The following KLF12 variants were observed in gnomAD, a reference collection of about 807,000 sequenced individuals.
The protein encoded by KLF12 is Krueppel-like factor 12.
Under a neutral mutation model 37.8 loss-of-function variants are expected in KLF12, and 9 were observed. The ratio of observed to expected loss-of-function variants is 0.24; its 90% CI spans 0.14 to 0.42. The LOEUF (loss-of-function observed/expected upper bound fraction) is 0.42. Among genes scored for constraint, KLF12 ranks in the 10% least tolerant of loss-of-function variants. The pLI, the probability that KLF12 is intolerant of heterozygous loss-of-function variation, is 1.00. For missense variants in KLF12, 411 were observed against 516.0 expected, an observed-to-expected ratio of 0.80 and a Z score of 1.97; for synonymous variants, 208 against 202.1, an observed-to-expected ratio of 1.03 and a Z score of -0.25.
At chr13:74,160,197 T>G in the KLF12 span, among the ~76,000 whole-genome samples, 1 of 152,098 alleles carries the variant, frequency 6.6e-6, no homozygotes, top group Non-Finnish European at 1.5e-5. Context: ...TAAAAGTAAG[T>G]CATATAATTT....
intron 1 of KLF12, among the ~76,000 whole-genome samples, chr13:74,045,976 T>C (rs780830843): frequency 2.6e-5 from 4 of 152,234 alleles, no homozygotes; most frequent in Non-Finnish European, 5.9e-5. Flanking sequence ...CAGTGGTTAA[T>C]ATTAGAAGTG....
intron 1 of KLF12, among the ~76,000 whole-genome samples, chr13:74,096,519 C>T (rs1220642047): frequency 3.9e-5 from 6 of 152,294 alleles, no homozygotes; most frequent in East Asian, 1.9e-4. Context: ...GATTCAATTA[C>T]GTAAGTTGAT....
chr13:73,719,842 T>A (rs1445056461), intron 6 of KLF12, among the ~76,000 whole-genome samples: 2 of 152,126 alleles, frequency 1.3e-5, no homozygotes, highest in African/African-American at 2.4e-5. Flanking sequence ...CTTCACGTGA[T>A]CCTGCCTCAG....
chr13:73,702,026 A>C (rs1874594883), intron 7 of KLF12, among the ~76,000 whole-genome samples: 1 of 152,058 alleles, frequency 6.6e-6, no homozygotes. Flanking sequence ...ACACACACAC[A>C]CAAAAAAAGG....
intron 1 of KLF12, among the ~76,000 whole-genome samples, chr13:74,017,990 T>A (rs759053188): frequency 3.3e-5 from 5 of 152,072 alleles, no homozygotes; most frequent in Admixed American, 2.0e-4. Flanking sequence ...AGCTCCACTC[T>A]ACCTTCCTCA....
At chr13:73,706,729 C>T (rs191694859) in intron 7 of KLF12, among the ~76,000 whole-genome samples, 2 of 152,278 alleles carry the variant, frequency 1.3e-5, no homozygotes, top group African/African-American at 2.4e-5. Flanking sequence ...TCGCTCAGGG[C>T]TTTCCTATTA....
At chr13:73,879,867 A>C (rs1385435880) in intron 3 of KLF12, among the ~76,000 whole-genome samples, 2 of 152,172 alleles carry the variant, frequency 1.3e-5, no homozygotes, top group African/African-American at 4.8e-5. Flanking sequence ...CTTTGTGATG[A>C]GCCATATGGT....
chr13:73,870,754 A>G (rs1886424087), intron 3 of KLF12, among the ~76,000 whole-genome samples: 3 of 152,222 alleles, frequency 2.0e-5, no homozygotes, highest in Non-Finnish European at 2.9e-5. Context: ...ATTAGCTACA[A>G]TAAAGATTTC....
chr13:74,074,436 A>G (rs1461242280), intron 1 of KLF12, among the ~76,000 whole-genome samples: 3 of 152,006 alleles, frequency 2.0e-5, no homozygotes, highest in African/African-American at 4.8e-5. Flanking sequence ...ACCCACCAAA[A>G]TATCCACTTT....
chr13:74,013,637 T>C (rs1347952005), intron 1 of KLF12, among the ~76,000 whole-genome samples: 1 of 152,108 alleles, frequency 6.6e-6, no homozygotes, highest in East Asian at 1.9e-4. Flanking sequence ...TTCTAAACTA[T>C]AAGGATCCTA....
rs138988835 is a variant in KLF12 at position 73,717,778 on chromosome 13, C to T, written c.870-2253G>A. On this transcript the variant is annotated intron_variant, in intron 6 of 7. Coordinates refer to ENST00000377669, the MANE Select transcript of KLF12 (RefSeq NM_007249.5). ...GAGTCTATCGTGAAAGGAGTCAAAA[C>T]AGTGTGACTGGCCTGCCTCATGTAA... Among the ~76,000 whole-genome samples the T allele has an allele frequency of 2.6e-3, 393 of 152,292 alleles. 1 individual carries two copies. Among genetic ancestry groups the T allele is most frequent in the African/African-American group, 8.8e-3 (367 of 41,574 alleles).
At position 73,729,499 on chromosome 13, in the gene KLF12, A is replaced by G. The variant is rs573534103; in HGVS notation, c.870-13974T>C. On this transcript the variant is annotated intron_variant, in intron 6 of 7. Coordinates refer to ENST00000377669, the MANE Select transcript of KLF12 (RefSeq NM_007249.5). ...ACTGGCAATCTTACAGCTGAGAAATAGGTGAGGAAAGCATAGCCTGGAGTG... is the reference window on the plus strand; with the variant it reads ...ACTGGCAATCTTACAGCTGAGAAATGGGTGAGGAAAGCATAGCCTGGAGTG... Among the ~76,000 whole-genome samples the G allele has an allele frequency of 2.6e-5, 4 of 152,334 alleles. No homozygotes were observed. The South Asian group carries it at 8.3e-4, about 32-fold the overall frequency.
At chr13:74,036,930 G>A (rs1401389212) in intron 1 of KLF12, among the ~76,000 whole-genome samples, 2 of 152,138 alleles carry the variant, frequency 1.3e-5, no homozygotes, top group East Asian at 3.9e-4. Flanking sequence ...TTTGGGCCAG[G>A]AGCCGTGGCT....
rs192730711 is a variant in KLF12 at position 73,763,304 on chromosome 13, C to T, written c.869+1634G>A. ...GTATATGTGCCTGTGTATGTGACAT[C>T]ACACACACATACACATACACATCTG... is the stretch of plus-strand genomic sequence containing the variant. On this transcript the variant is annotated intron_variant, in intron 6 of 7. Coordinates refer to ENST00000377669, the MANE Select transcript of KLF12 (RefSeq NM_007249.5). Among the ~76,000 whole-genome samples, 506 of 152,230 alleles carry T rather than the reference C, an allele frequency of 3.3e-3. 7 individuals are homozygous for T. The highest frequency in any genetic ancestry group is 0.012 in the African/African-American group (490 of 41,538).
At chr13:73,996,741 C>T (rs1485291397) in intron 1 of KLF12, among the ~76,000 whole-genome samples, 1 of 152,194 alleles carries the variant, frequency 6.6e-6, no homozygotes. Flanking sequence ...GATGCCTCCT[C>T]TGGACAGACA....
intron 2 of KLF12, among the ~76,000 whole-genome samples, chr13:73,956,862 C>T (rs1305963595): frequency 1.1e-4 from 16 of 151,628 alleles, no homozygotes. Flanking sequence ...GAGGTCGAGG[C>T]TATGACCCAT....
chr13:74,092,135 A>G (rs1376527793), intron 1 of KLF12, among the ~76,000 whole-genome samples: 1 of 151,710 alleles, frequency 6.6e-6, no homozygotes, highest in Non-Finnish European at 1.5e-5. Context: ...TAAAAATACC[A>G]AAAAAGAAAA....
chr13:74,097,126 C>G (rs1876027265), intron 1 of KLF12, among the ~76,000 whole-genome samples: 1 of 152,130 alleles, frequency 6.6e-6, no homozygotes, highest in South Asian at 2.1e-4. Context: ...ATACCAAGTT[C>G]AGGATTAATT....
chr13:73,848,392 T>A (rs1927010), intron 3 of KLF12, among the ~76,000 whole-genome samples: 88,334 of 151,714 alleles, frequency 0.58, 26,745 homozygotes, highest in Non-Finnish European at 0.66. Flanking sequence ...GACTGCTTAG[T>A]CTTCTCTAAA....
Sources: allele counts gnomAD v4.1 joint callset (sites outside exome capture counted in the v4.1 genomes callset), GRCh38; gene constraint gnomAD v4.1.1; transcripts MANE v1.5; gene names NCBI Gene and HGNC (gene_info 2026-07-23, HGNC 2026-07-21).